Variants in FGD3 observed in about 807,000 individuals in gnomAD.
FGD3 encodes the protein FYVE, RhoGEF and PH domain-containing protein 3.
FGD3 carries 45 observed loss-of-function variants against 71.8 expected under a neutral mutation model. The observed-to-expected ratio is 0.63, with a 90% CI of 0.49 to 0.80. The LOEUF is 0.80. FGD3 is among the 30% of genes least tolerant of loss of function. FGD3 has a pLI of 0.00. For missense variants in FGD3, 844 were observed against 951.5 expected (o/e 0.89, Z 1.49); for synonymous variants, 378 against 392.8 (o/e 0.96, Z 0.44).
intron 8 of FGD3, among the ~76,000 whole-genome samples, chr9:93,011,563 G>C (rs1242945167): frequency 6.6e-6 from 1 of 152,198 alleles, no homozygotes; most frequent in African/African-American, 2.4e-5. Context: ...GAGAGTAAAA[G>C]AATCACTCTA....
chr9:92,977,011 T>C (rs1859786123), intron 3 of FGD3, among the ~76,000 whole-genome samples: 1 of 152,230 alleles, frequency 6.6e-6, no homozygotes, highest in African/African-American at 2.4e-5. Context: ...TCAGTCCTAC[T>C]GGTGGTGCTG....
intron 12 of FGD3, 121 bp downstream of exon 12, chr9:93,019,982 T>TG (rs1325308145): frequency 1.0e-6 from 1 of 995,238 alleles, no homozygotes; most frequent in African/African-American, 1.6e-5. Flanking sequence ...TGCTGTACCC[T>TG]GCAGGGATGC....
chr9:92,954,851 G>A lies in FGD3; in HGVS notation c.-218+7122G>A, dbSNP rs139982569. Among the ~76,000 whole-genome samples, 192 of 152,288 alleles carry A rather than the reference G, an allele frequency of 1.3e-3. No homozygotes were observed. In the Middle Eastern group the frequency reaches 0.031, roughly 24 times the overall value. On this transcript the variant is annotated intron_variant, in intron 1 of 17. Coordinates refer to ENST00000375482, the MANE Select transcript of FGD3 (RefSeq NM_001083536.2). ...TGCATCTTGCTAGGCTCTGAGTATC[G>A]TGGCCTTGACATTTCCTCCACCTCT...
At position 92,964,872 on chromosome 9, in the gene FGD3, C is replaced by T. The variant is rs192607946; in HGVS notation, c.-217-10366C>T. On this transcript the variant is annotated intron_variant, in intron 1 of 17. Coordinates refer to ENST00000375482, the MANE Select transcript of FGD3 (RefSeq NM_001083536.2). ...CTCTGCCTGAACAGAGGAGGGTGGT[C>T]CCAGACGTGTCCTGGGGGCTAGGCT... Among the ~76,000 whole-genome samples, 26 of 152,270 alleles carry T rather than the reference C, an allele frequency of 1.7e-4. 1 individual carries two copies. In the East Asian group the frequency reaches 3.7e-3, roughly 22 times the overall value.
At position 93,032,850 on chromosome 9, in the gene FGD3, C is replaced by T. The variant is rs1267870997; in HGVS notation, c.1762C>T (p.Pro588Ser). ...RVCRDCFLTQ[P>S]VAPESTEKTP... ...CTGCAGAGATTGTTTCCTGACACAG[C>T]CAGTGGCCCCTGAGAGCACAGAGGT... The change falls in exon 16 of 18, where the codon CCA becomes TCA. Residue 588 changes from proline to serine, a missense_variant. Transcript: ENST00000375482. 1.9e-6 allele frequency: 3 copies of T among 1,614,174 alleles called. No individual in the cohort carries two copies. The highest frequency in any genetic ancestry group is 1.3e-5 in the African/African-American group (1 of 75,042).
intron 3 of FGD3, among the ~76,000 whole-genome samples, chr9:92,999,421 C>T (rs1052909637): frequency 2.0e-5 from 3 of 152,036 alleles, no homozygotes; most frequent in Admixed American, 6.6e-5. Flanking sequence ...TTGTGCTTCC[C>T]GGGTGTGGCA....
rs780064848 is a variant in FGD3 at position 93,006,219 on chromosome 9, A to G, written c.837+39A>G. 3 of 1,488,802 alleles carry G rather than the reference A, an allele frequency of 2.0e-6. No individual in the cohort carries two copies. In the Admixed American group the frequency reaches 7.0e-5, roughly 35 times the overall value. The allele number at this position is 1,488,802 out of a possible 1,614,324, so 92.2% of individuals were successfully genotyped here. A position where few individuals can be genotyped will look rare whatever the true frequency, so the allele number is the denominator to read the frequency against. On this transcript the variant is annotated intron_variant, in intron 6 of 17. Transcript: ENST00000375482. The stretch of plus-strand genomic sequence containing the variant: ...TGGGAGTGTGGACACAGATGTTCTC[A>G]AGATGCACAGAGCCTGGTGTTTTAT...
chr9:93,028,367 C>G (rs769331871), intron 14 of FGD3, among the ~76,000 whole-genome samples: 5 of 151,270 alleles, frequency 3.3e-5, no homozygotes, highest in Non-Finnish European at 7.4e-5. Flanking sequence ...AAGAAAAACA[C>G]CTGCAGGCTT....
At chr9:93,022,477 A>C in intron 14 of FGD3, 88 bp downstream of exon 14, 1 of 1,444,418 alleles carries the variant, frequency 6.9e-7, no homozygotes, top group East Asian at 2.3e-5. Context: ...ATGGAGAGGG[A>C]GGGTCAGACC....
intron 15 of FGD3, 143 bp from the exon 16 acceptor site, chr9:93,032,626 G>C: frequency 1.3e-6 from 1 of 788,898 alleles, no homozygotes. Context: ...TCAAGGAGAA[G>C]CTCTTATCCC....
intron 1 of FGD3, among the ~76,000 whole-genome samples, chr9:92,953,349 A>G (rs539178403): frequency 6.6e-6 from 1 of 152,330 alleles, no homozygotes; most frequent in South Asian, 2.1e-4. Context: ...GCCAACTGCC[A>G]GAGCCGCTCT....
intron 3 of FGD3, among the ~76,000 whole-genome samples, chr9:92,980,832 G>A (rs536012074): frequency 3.4e-4 from 52 of 151,678 alleles, no homozygotes; most frequent in Non-Finnish European, 6.0e-4. Context: ...TTAGCCAGGC[G>A]TGGTGGTGGG....
Position 92,976,535 on chromosome 9 carries a change from G to C in FGD3, c.279G>C (p.Glu93Asp). The change falls in exon 3 of 18, where the codon GAG becomes GAC. Residue 93 changes from glutamate (E) to aspartate (D), a missense_variant. By Grantham distance (45) the Glu-to-Asp change is conservative. Transcript: ENST00000375482. ...SSVAGENFPCEEGLEAGPSPT... is the reference protein window; with the variant it reads ...SSVAGENFPCDEGLEAGPSPT... ...TGGCTGGAGAGAACTTTCCCTGCGA[G>C]GAGGGCTTGGAGGCTGGCCCAAGCC... is the stretch of plus-strand genomic sequence containing the variant. 1.1e-5 allele frequency: 18 copies of C among 1,612,608 alleles called. No homozygotes were observed. The highest frequency in any genetic ancestry group is 1.4e-5 in the Non-Finnish European group (17 of 1,179,832).
At position 93,028,995 on chromosome 9, in the gene FGD3, G is replaced by GTTTTTTTTTT. The variant is rs869235976; in HGVS notation, c.1558-846_1558-837dup. On this transcript the variant is annotated intron_variant, in intron 14 of 17. Coordinates refer to ENST00000375482, the MANE Select transcript of FGD3 (RefSeq NM_001083536.2). ...CATGGCTTCCTCACATGTCCTCACA[G>GTTTTTTTTTT]TTTTTTTTTTTTTTTTTTTTTTTTT... Among the ~76,000 whole-genome samples, 15 of 51,752 alleles carry GTTTTTTTTTT rather than the reference G, an allele frequency of 2.9e-4. 3 individuals are homozygous for GTTTTTTTTTT. The highest frequency in any genetic ancestry group is 6.8e-4 in the East Asian group (1 of 1,468). 34.0% of individuals were successfully genotyped at this position (51,752 alleles called of 152,430 possible).
At chr9:92,989,854 T>C (rs1860334321) in intron 3 of FGD3, among the ~76,000 whole-genome samples, 1 of 152,012 alleles carries the variant, frequency 6.6e-6, no homozygotes, top group South Asian at 2.1e-4. Context: ...TTCAGCTTAA[T>C]TTTTTTCTTT....
chr9:92,977,574 G>A (rs1176716086), intron 3 of FGD3, among the ~76,000 whole-genome samples: 1 of 152,146 alleles, frequency 6.6e-6, no homozygotes, highest in Non-Finnish European at 1.5e-5. Flanking sequence ...GCGGAGACGA[G>A]GCCAGGGCTG....
chr9:93,007,602 A>T (rs937630649), intron 6 of FGD3, among the ~76,000 whole-genome samples: 3 of 152,130 alleles, frequency 2.0e-5, no homozygotes, highest in Non-Finnish European at 2.9e-5. Flanking sequence ...CAGTGAGCTG[A>T]GATCGCGCCT....
chr9:93,034,698 C>A lies in FGD3; in HGVS notation c.1926+17C>A. 6.2e-7 allele frequency: 1 copy of A among 1,608,924 alleles called. No individual in the cohort carries two copies. Among genetic ancestry groups the A allele is most frequent in the South Asian group, 1.1e-5 (1 of 90,488 alleles). On this transcript the variant is annotated intron_variant, in intron 17 of 17. Transcript: ENST00000375482. ...GGCAGCCAGGTACGTGTCCCCACCC[C>A]ACCAGGCCCTCAGGCCAGCAGCCCA...
intron 1 of FGD3, among the ~76,000 whole-genome samples, chr9:92,952,305 C>T (rs991388586): frequency 6.8e-6 from 1 of 147,848 alleles, no homozygotes; most frequent in Non-Finnish European, 1.5e-5. Context: ...GGCACGATCT[C>T]GGCTCACTGC....
Sources: allele counts gnomAD v4.1 joint callset (sites outside exome capture counted in the v4.1 genomes callset), GRCh38; gene constraint gnomAD v4.1.1; transcripts MANE v1.5; gene names NCBI Gene and HGNC (gene_info 2026-07-23, HGNC 2026-07-21).